The following ADGRD1 variants were observed in gnomAD, a reference collection of about 807,000 sequenced individuals.
ADGRD1 encodes the protein adhesion G protein-coupled receptor D1.
ADGRD1 carries 77 observed loss-of-function variants against 113.4 expected under a neutral mutation model. The observed-to-expected ratio is 0.68, with a 90% CI of 0.57 to 0.82. The LOEUF (loss-of-function observed/expected upper bound fraction) is 0.82. Ranked by LOEUF, ADGRD1 falls within the 40% of genes least tolerant of loss-of-function variation. The pLI, the probability that ADGRD1 is intolerant of heterozygous loss-of-function variation, is 0.00. For missense variants in ADGRD1, 1,036 were observed against 1,139.1 expected, an observed-to-expected ratio of 0.91 and a Z score of 1.30; for synonymous variants, 474 against 475.0, an observed-to-expected ratio of 1.00 and a Z score of 0.03.
chr12:131,121,883 CAT>C (rs1439703348), intron 20 of ADGRD1: 1 of 152,370 alleles, frequency 6.6e-6, no homozygotes, highest in Non-Finnish European at 1.5e-5. Context: ...TGCGGTGAGT[CAT>C]GTGTCCGTCC....
At chr12:131,122,447 C>A (rs1463433797) in intron 20 of ADGRD1, among the ~76,000 whole-genome samples, 2 of 152,180 alleles carry the variant, frequency 1.3e-5, no homozygotes, top group Non-Finnish European at 2.9e-5. Context: ...CCTGCCATCG[C>A]TTTACCGACT....
chr12:131,018,792 A>G (rs1878953594), intron 13 of ADGRD1, among the ~76,000 whole-genome samples: 1 of 152,210 alleles, frequency 6.6e-6, no homozygotes, highest in Non-Finnish European at 1.5e-5. Context: ...TTCTCAAAGC[A>G]CAGCCGTTTC....
intron 6 of ADGRD1, chr12:130,988,440 G>A (rs1252599166): frequency 6.6e-6 from 1 of 152,244 alleles, no homozygotes; most frequent in Non-Finnish European, 1.5e-5. Flanking sequence ...GACCAGGAGA[G>A]AAAGGCCTGA....
intron 18 of ADGRD1, among the ~76,000 whole-genome samples, chr12:131,116,843 G>A (rs977841245): frequency 1.3e-5 from 2 of 152,258 alleles, no homozygotes; most frequent in African/African-American, 2.4e-5. Flanking sequence ...CAGGGTGGCT[G>A]CACTAGAGCA....
At chr12:131,070,624 G>A (rs928386957) in intron 13 of ADGRD1, 138 of 310,706 alleles carry the variant, frequency 4.4e-4, no homozygotes, top group East Asian at 9.1e-4. Flanking sequence ...AGGCTGCTGC[G>A]TCATCCAGGT....
chr12:131,093,688 G>A (rs957012630), intron 15 of ADGRD1, among the ~76,000 whole-genome samples: 1 of 152,222 alleles, frequency 6.6e-6, no homozygotes, highest in African/African-American at 2.4e-5. Context: ...CCTCCACGGG[G>A]TCTCTGTGTG....
intron 8 of ADGRD1, among the ~76,000 whole-genome samples, chr12:130,996,582 T>C (rs1875408832): frequency 1.6e-5 from 2 of 123,816 alleles, no homozygotes; most frequent in African/African-American, 3.2e-5. Flanking sequence ...GCAGAGGGGC[T>C]CCTCACTTCC....
At chr12:131,120,422 G>A (rs980138337) in intron 19 of ADGRD1, among the ~76,000 whole-genome samples, 2 of 152,150 alleles carry the variant, frequency 1.3e-5, no homozygotes, top group Admixed American at 1.3e-4. Context: ...GGAGGGCACG[G>A]AGAGAGGGGA....
intron 4 of ADGRD1, among the ~76,000 whole-genome samples, chr12:130,972,467 A>T (rs1281288388): frequency 6.6e-6 from 1 of 152,170 alleles, no homozygotes; most frequent in African/African-American, 2.4e-5. Flanking sequence ...AGGCAAAAAC[A>T]TGTGGGAGGA....
chr12:130,993,039 A>C (rs1198356004), intron 8 of ADGRD1, among the ~76,000 whole-genome samples: 1 of 152,058 alleles, frequency 6.6e-6, no homozygotes, highest in African/African-American at 2.4e-5. Flanking sequence ...GGGTATATGA[A>C]GTCCCACGGC....
chr12:131,015,606 T>TTGGAGA (rs1211532924), intron 13 of ADGRD1, among the ~76,000 whole-genome samples: 1 of 131,892 alleles, frequency 7.6e-6, no homozygotes, highest in Non-Finnish European at 1.6e-5. Context: ...GGGACTGGAG[T>TTGGAGA]TGGAGATGGA....
Position 131,113,041 on chromosome 12 carries a change from C to T in ADGRD1, c.2041+4164C>T, listed in dbSNP as rs1332503380. Among the ~76,000 whole-genome samples the T allele has an allele frequency of 6.6e-6, 1 of 152,144 alleles. No individual in the cohort carries two copies. Among genetic ancestry groups the T allele is most frequent in the African/African-American group, 2.4e-5 (1 of 41,426 alleles). On this transcript the variant is annotated intron_variant, in intron 18 of 24. Coordinates refer to ENST00000261654, the MANE Select transcript of ADGRD1 (RefSeq NM_198827.5). This position sits in a 1 kb window ranked among gnomAD's most constrained non-coding sequence, Gnocchi z 4.9. ...CCCAGCCTGGGGAGATACCGTAGCC[C>T]TGGACTGGGAGCTGGAGGGAGTGGA...
In ADGRD1 at chr12:131,040,459, C is replaced by A. The variant is rs184618210; in HGVS notation, c.1473+26119C>A. 1.4e-4 allele frequency among the ~76,000 whole-genome samples: 21 copies of A among 152,298 alleles called. No individual in the cohort carries two copies. In the East Asian group the frequency reaches 3.1e-3, roughly 22 times the overall value. ...TCCATAAAATCATGTGTTTGGTACA[C>A]CCTTTTAAAAATGCATTATATACTT... is the stretch of plus-strand genomic sequence containing the variant. On this transcript the variant is annotated intron_variant, in intron 13 of 24. Transcript: ENST00000261654.
intron 13 of ADGRD1, among the ~76,000 whole-genome samples, chr12:131,017,534 C>T (rs963969097): frequency 2.0e-5 from 3 of 151,328 alleles, no homozygotes; most frequent in Admixed American, 6.6e-5. Context: ...CAGACACACA[C>T]ACCCAGTGCA....
chr12:131,120,736 A>G, intron 19 of ADGRD1, 111 bp from the exon 20 acceptor site: 1 of 963,456 alleles, frequency 1.0e-6, no homozygotes, highest in Non-Finnish European at 1.7e-6. Context: ...TGACTGCCCC[A>G]GGTGGACCCT....
chr12:130,968,753 C>A, intron 3 of ADGRD1: 2 of 541,142 alleles, frequency 3.7e-6, no homozygotes, highest in South Asian at 2.4e-5. Flanking sequence ...GCCATCACGC[C>A]CTGGTGTGGG....
intron 17 of ADGRD1, among the ~76,000 whole-genome samples, chr12:131,108,278 C>T (rs188142567): frequency 3.9e-5 from 6 of 152,288 alleles, no homozygotes; most frequent in East Asian, 3.9e-4. Context: ...ACATGGCAGG[C>T]GGCAGGCTCC....
intron 18 of ADGRD1, among the ~76,000 whole-genome samples, chr12:131,117,189 C>A (rs1414599377): frequency 6.6e-6 from 1 of 152,196 alleles, no homozygotes; most frequent in African/African-American, 2.4e-5. Flanking sequence ...CTGCTGTGAT[C>A]CAGATGCTTT....
At chr12:131,112,339 C>T (rs143233405) in intron 18 of ADGRD1, among the ~76,000 whole-genome samples, 1 of 152,316 alleles carries the variant, frequency 6.6e-6, no homozygotes, top group East Asian at 1.9e-4. Context: ...GCCTATGGCT[C>T]TGTTGTTCCC....
Sources: gnomAD v4.1 joint callset for allele counts (sites outside exome capture counted in the v4.1 genomes callset) on GRCh38, gnomAD v4.1.1 for gene constraint, Gnocchi (gnomAD v3.1) non-coding constraint, MANE v1.5 for transcripts, NCBI Gene and HGNC (gene_info 2026-07-23, HGNC 2026-07-21) for gene names.